Variants in BATF observed in about 807,000 individuals in gnomAD.
BATF encodes the protein basic leucine zipper ATF-like transcription factor, also known as basic leucine zipper transcriptional factor ATF-like.
Under a neutral mutation model 13.7 loss-of-function variants are expected in BATF, and 5 were observed. That is an observed-to-expected ratio of 0.36 (90% CI 0.19 to 0.77). The LOEUF (loss-of-function observed/expected upper bound fraction) is 0.77, where lower values mean the gene tolerates loss of function less well. BATF is among the 30% of genes least tolerant of loss of function. The pLI, the probability that BATF is intolerant of heterozygous loss-of-function variation, is 0.51. For missense variants in BATF, 124 were observed against 163.0 expected (o/e 0.76, Z 1.30); for synonymous variants, 72 against 67.5 (o/e 1.07, Z -0.33).
chr14:75,530,024 A>G (rs1047900036), intron 2 of BATF, among the ~76,000 whole-genome samples: 2 of 149,152 alleles, frequency 1.3e-5, no homozygotes, highest in East Asian at 3.9e-4. Flanking sequence ...AGATAGCGCC[A>G]CTGCACTCCA....
At chr14:75,543,731 G>C (rs1870711674) in intron 2 of BATF, among the ~76,000 whole-genome samples, 1 of 151,420 alleles carries the variant, frequency 6.6e-6, no homozygotes, top group African/African-American at 2.4e-5. Context: ...TGTTGCACAG[G>C]CTGGTCTTAA....
At chr14:75,527,905 G>A (rs1484235539) in intron 2 of BATF, among the ~76,000 whole-genome samples, 1 of 152,196 alleles carries the variant, frequency 6.6e-6, no homozygotes, top group Non-Finnish European at 1.5e-5. Context: ...TGCTGCCAAT[G>A]CAACTTATGT....
intron 2 of BATF, among the ~76,000 whole-genome samples, chr14:75,529,393 G>A (rs912656163): frequency 7.2e-5 from 11 of 152,112 alleles, no homozygotes; most frequent in African/African-American, 2.4e-4. Context: ...TAGCACTTTG[G>A]GAGGCCAAGG....
intron 2 of BATF, among the ~76,000 whole-genome samples, chr14:75,540,800 A>G (rs1887885239): frequency 6.6e-6 from 1 of 152,202 alleles, no homozygotes; most frequent in South Asian, 2.1e-4. Context: ...AATGTTAGTT[A>G]TTGGCCAGGC....
intron 2 of BATF, among the ~76,000 whole-genome samples, chr14:75,532,323 A>G (rs1395838457): frequency 2.0e-5 from 3 of 152,128 alleles, no homozygotes; most frequent in African/African-American, 7.2e-5. Context: ...CAAAATCTAC[A>G]CTGTCCCCCA....
At chr14:75,528,189 G>A (rs543335710) in intron 2 of BATF, among the ~76,000 whole-genome samples, 37 of 152,282 alleles carry the variant, frequency 2.4e-4, no homozygotes, top group African/African-American at 8.4e-4. Flanking sequence ...CATAGGCCTC[G>A]CCTACCAGTG....
At chr14:75,527,158 CA>C (rs1887665660) in intron 2 of BATF, among the ~76,000 whole-genome samples, 1 of 151,648 alleles carries the variant, frequency 6.6e-6, no homozygotes, top group Non-Finnish European at 1.5e-5. Flanking sequence ...TTAAAGAGCC[CA>C]ACACAATGCC....
At chr14:75,540,629 C>T (rs957590342) in intron 2 of BATF, among the ~76,000 whole-genome samples, 6 of 152,210 alleles carry the variant, frequency 3.9e-5, no homozygotes, top group African/African-American at 4.8e-5. Flanking sequence ...TTCCAAGCTG[C>T]GTGATCTTGA....
At chr14:75,546,324 C>A in intron 2 of BATF, 138 bp from the exon 3 acceptor site, 1 of 815,984 alleles carries the variant, frequency 1.2e-6, no homozygotes, top group Non-Finnish European at 2.0e-6. Flanking sequence ...TTCACACGTG[C>A]AGGAAAATTC....
chr14:75,538,678 G>A (rs553860220), intron 2 of BATF, among the ~76,000 whole-genome samples: 30 of 152,334 alleles, frequency 2.0e-4, no homozygotes, highest in Admixed American at 1.8e-3. Flanking sequence ...GAGGCGGGTG[G>A]ATCACGAGGT....
chr14:75,523,121 C>T (rs1046437495), intron 1 of BATF, among the ~76,000 whole-genome samples: 1 of 151,586 alleles, frequency 6.6e-6, no homozygotes, highest in African/African-American at 2.4e-5. Flanking sequence ...TCAAGTGGGC[C>T]GCTGGCATGC....
At chr14:75,540,233 C>T (rs1005328366) in intron 2 of BATF, among the ~76,000 whole-genome samples, 1 of 152,196 alleles carries the variant, frequency 6.6e-6, no homozygotes, top group Admixed American at 6.5e-5. Flanking sequence ...TGGTCTTCGT[C>T]CCTAATGGCT....
At chr14:75,534,640 A>G (rs114614937) in intron 2 of BATF, among the ~76,000 whole-genome samples, 1,541 of 152,372 alleles carry the variant, frequency 0.01, 32 homozygotes, top group African/African-American at 0.034. Context: ...TGTAACATTA[A>G]CATGAAATTA....
chr14:75,525,905 A>G (rs1399779251), intron 2 of BATF, among the ~76,000 whole-genome samples: 2 of 152,222 alleles, frequency 1.3e-5, no homozygotes, highest in Non-Finnish European at 2.9e-5. Flanking sequence ...AAGGAAATTC[A>G]CAGGGCGCTG....
intron 2 of BATF, among the ~76,000 whole-genome samples, chr14:75,531,553 T>A (rs945985491): frequency 6.6e-6 from 1 of 152,146 alleles, no homozygotes; most frequent in Non-Finnish European, 1.5e-5. Context: ...TAGATGGAAG[T>A]GGGCCAGGTG....
At chr14:75,530,263 C>T (rs954699182) in intron 2 of BATF, among the ~76,000 whole-genome samples, 3 of 152,126 alleles carry the variant, frequency 2.0e-5, no homozygotes, top group South Asian at 2.1e-4. Flanking sequence ...AATGGAGAAG[C>T]AGGCACCATC....
intron 2 of BATF, among the ~76,000 whole-genome samples, chr14:75,533,955 A>G (rs972919179): frequency 6.6e-6 from 1 of 152,200 alleles, no homozygotes; most frequent in Non-Finnish European, 1.5e-5. Flanking sequence ...AGGTGTTTAC[A>G]TAAGGCCTAT....
At chr14:75,532,647 A>T (rs1195112798) in intron 2 of BATF, among the ~76,000 whole-genome samples, 1 of 152,250 alleles carries the variant, frequency 6.6e-6, no homozygotes, top group Non-Finnish European at 1.5e-5. Flanking sequence ...ATACTTTAAC[A>T]ATGCTATAAA....
intron 2 of BATF, among the ~76,000 whole-genome samples, chr14:75,531,541 C>T (rs1423014865): frequency 1.3e-5 from 2 of 152,126 alleles, no homozygotes; most frequent in African/African-American, 4.8e-5. Context: ...TAGGTACTGT[C>T]TTAGATGGAA....
Sources: gnomAD v4.1 joint callset for allele counts (sites outside exome capture counted in the v4.1 genomes callset) on GRCh38, gnomAD v4.1.1 for gene constraint, MANE v1.5 for transcripts, NCBI Gene and HGNC (gene_info 2026-07-23, HGNC 2026-07-21) for gene names.